The following FNDC1 variants were observed in gnomAD, a reference collection of about 807,000 sequenced individuals.
The protein encoded by FNDC1 is fibronectin type III domain-containing protein 1.
Under a neutral mutation model 168.0 loss-of-function variants are expected in FNDC1, and 96 were observed. The ratio of observed to expected loss-of-function variants is 0.57; its 90% CI spans 0.48 to 0.68. FNDC1 has a LOEUF of 0.68. FNDC1 is among the 30% of genes least tolerant of loss of function. The pLI is 0.00. For synonymous variants in FNDC1, 1,099 were observed against 1,025.9 expected, an observed-to-expected ratio of 1.07 and a Z score of -1.36; for missense variants, 2,587 against 2,482.1, an observed-to-expected ratio of 1.04 and a Z score of -0.90.
chr6:159,176,289 C>T (rs183383477), intron 1 of FNDC1, among the ~76,000 whole-genome samples: 2 of 152,314 alleles, frequency 1.3e-5, no homozygotes, highest in African/African-American at 4.8e-5. Context: ...TTCATTCATC[C>T]ATTCAGCAAG....
chr6:159,222,594 A>C (rs1333832574), intron 6 of FNDC1, among the ~76,000 whole-genome samples: 1 of 152,242 alleles, frequency 6.6e-6, no homozygotes, highest in Non-Finnish European at 1.5e-5. Context: ...AACTAAGACT[A>C]TAAGCTTTGT....
rs184118724 is a variant in FNDC1 at position 159,263,694 on chromosome 6, G to A, written c.5255-1281G>A. On this transcript the variant is annotated intron_variant, in intron 19 of 22. Coordinates refer to ENST00000297267, the MANE Select transcript of FNDC1 (RefSeq NM_032532.3). The stretch of plus-strand genomic sequence containing the variant: ...GGAGAATGGCGTGAAGCTGGGAGAC[G>A]GAGCTTGCAGTGAGCCAAGATTGTG... 1.4e-3 allele frequency among the ~76,000 whole-genome samples: 209 copies of A among 152,264 alleles called. 6 individuals carry two copies. The South Asian group carries it at 0.029, about 21-fold the overall frequency.
chr6:159,204,929 G>T (rs931421828), intron 4 of FNDC1, among the ~76,000 whole-genome samples: 1 of 152,108 alleles, frequency 6.6e-6, no homozygotes, highest in Admixed American at 6.5e-5. Flanking sequence ...CTTGCTTCCT[G>T]CTTCCCTGGG....
intron 4 of FNDC1, among the ~76,000 whole-genome samples, chr6:159,211,134 G>T (rs1329101905): frequency 1.3e-5 from 2 of 152,208 alleles, no homozygotes; most frequent in African/African-American, 4.8e-5. Context: ...GCTGCCTGGG[G>T]TAAGGTGGGT....
chr6:159,270,940 CAT>C (rs1777732772), intron 22 of FNDC1, among the ~76,000 whole-genome samples: 1 of 152,228 alleles, frequency 6.6e-6, no homozygotes, highest in African/African-American at 2.4e-5. Context: ...CTGTGTCACA[CAT>C]GTGTGGGGAC....
intron 1 of FNDC1, among the ~76,000 whole-genome samples, chr6:159,191,693 T>A (rs1401296243): frequency 6.6e-6 from 1 of 152,248 alleles, no homozygotes; most frequent in Non-Finnish European, 1.5e-5. Flanking sequence ...TAAATCACAC[T>A]TAAAGTATTC....
rs1204669237 is a variant in FNDC1, at chr6:159,232,349, C to G, written c.1837C>G (p.Pro613Ala). Residue 613 changes from proline (P) to alanine (A), a missense_variant, in exon 11 of 23, where the codon CCC becomes GCC. Coordinates refer to ENST00000297267, the MANE Select transcript of FNDC1 (RefSeq NM_032532.3). The surrounding 1 kb of genome is among the most constrained non-coding windows in gnomAD (Gnocchi z 4.9). ...GGCCACGCAGCCCCGCCCAGGGGCGCCCCCCTCGGCTTCGGCCTCTCCTGC... is the reference window on the plus strand; with the variant it reads ...GGCCACGCAGCCCCGCCCAGGGGCGGCCCCCTCGGCTTCGGCCTCTCCTGC... ...SLATQPRPGA[P>A]PSASASPAHH... The G allele has an allele frequency of 2.5e-6, 4 of 1,613,468 alleles. No homozygotes were observed. Among genetic ancestry groups the G allele is most frequent in the Non-Finnish European group, 3.4e-6 (4 of 1,179,696 alleles).
intron 19 of FNDC1, among the ~76,000 whole-genome samples, chr6:159,261,742 C>T (rs509644): frequency 0.15 from 22,934 of 151,996 alleles, 1,973 homozygotes; most frequent in East Asian, 0.37. Flanking sequence ...GTCTTATAAG[C>T]AGTATCATTC....
At position 159,234,011 on chromosome 6, in the gene FNDC1, C is replaced by T. The variant is rs1008704874; in HGVS notation, c.3499C>T (p.Leu1167=). ...GKSEPPSKRP[L]SSKSQQSVSA... ...GTCGGAGCCTCCTTCCAAGCGGCCC[C>T]TGTCCTCCAAGTCCCAGCAGTCGGT... The change falls in exon 11 of 23, where the codon CTG becomes TTG. Residue 1167 remains leucine, a synonymous_variant. Transcript: ENST00000297267. 1.2e-6 allele frequency: 2 copies of T among 1,608,696 alleles called. No homozygotes were observed. Among genetic ancestry groups the T allele is most frequent in the East Asian group, 2.2e-5 (1 of 44,758 alleles).
chr6:159,238,808 G>A, intron 13 of FNDC1, 143 bp downstream of exon 13: 1 of 610,160 alleles, frequency 1.6e-6, no homozygotes, highest in Non-Finnish European at 2.8e-6. Flanking sequence ...AGCCTCAAAA[G>A]AGGCAGAACT....
intron 22 of FNDC1, 69 bp from the exon 23 acceptor site, chr6:159,271,258 G>A: frequency 1.2e-5 from 12 of 1,038,186 alleles, no homozygotes; most frequent in Non-Finnish European, 1.8e-5. Flanking sequence ...GAAGGAGGCT[G>A]TAAGGATGAG....
chr6:159,239,156 A>G (rs1238232889), intron 13 of FNDC1, among the ~76,000 whole-genome samples: 2 of 152,156 alleles, frequency 1.3e-5, no homozygotes, highest in African/African-American at 2.4e-5. Context: ...TGTATTGTCT[A>G]TCTTCTTTTT....
chr6:159,242,094 C>T (rs1783434339), intron 14 of FNDC1, among the ~76,000 whole-genome samples: 1 of 152,118 alleles, frequency 6.6e-6, no homozygotes, highest in African/African-American at 2.4e-5. Context: ...AAATGCCCAT[C>T]AACGATAGAC....
At chr6:159,226,042 A>G (rs1349824743) in intron 8 of FNDC1, among the ~76,000 whole-genome samples, 1 of 152,188 alleles carries the variant, frequency 6.6e-6, no homozygotes, top group Non-Finnish European at 1.5e-5. Flanking sequence ...CAGGTGATGG[A>G]TGGCTCTTGC....
At chr6:159,235,817 C>T (rs1039246451) in intron 11 of FNDC1, among the ~76,000 whole-genome samples, 5 of 152,158 alleles carry the variant, frequency 3.3e-5, no homozygotes, top group African/African-American at 1.2e-4. Flanking sequence ...GTTTAACATC[C>T]CCAGAAAAGT....
chr6:159,254,516 G>T (rs1481637136), intron 17 of FNDC1, among the ~76,000 whole-genome samples: 1 of 151,962 alleles, frequency 6.6e-6, no homozygotes, highest in African/African-American at 2.4e-5. Context: ...ACTCATCCTG[G>T]CTAACATGGT....
In FNDC1 at chr6:159,232,188, C is replaced by G; in HGVS notation, c.1676C>G (p.Thr559Ser). ...REDSPMSPSD[T>S]QDQKRTLRPP... ...GACTCGCCCATGTCACCCTCAGACA[C>G]CCAAGACCAGAAACGGACCCTGAGG... The change falls in exon 11 of 23, where the codon ACC becomes AGC. Residue 559 changes from threonine to serine, a missense_variant. Coordinates refer to ENST00000297267, the MANE Select transcript of FNDC1 (RefSeq NM_032532.3). This position sits in a 1 kb window ranked among gnomAD's most constrained non-coding sequence, Gnocchi z 4.9. The G allele has an allele frequency of 6.2e-7, 1 of 1,613,746 alleles. No homozygotes were observed. Among genetic ancestry groups the G allele is most frequent in the South Asian group, 1.1e-5 (1 of 91,026 alleles).
At position 159,232,086 on chromosome 6, in the gene FNDC1, T is replaced by C. The variant is rs752987531; in HGVS notation, c.1574T>C (p.Leu525Pro). ...GGTGGGGCGCCCCGAAAACCCCAGC[T>C]TCGCGCCAAGAAGGCAGAGGAGCTG... Reference protein sequence around the residue: ...ANGGAPRKPQLRAKKAEELDL... With the variant: ...ANGGAPRKPQPRAKKAEELDL... Residue 525 changes from leucine to proline, a missense_variant, in exon 11 of 23, where the codon CTT (leucine) becomes CCT (proline). By Grantham distance (98) the Leu-to-Pro change is moderately conservative (BLOSUM62 -3). Coordinates refer to ENST00000297267, the MANE Select transcript of FNDC1 (RefSeq NM_032532.3). The surrounding 1 kb of genome is among the most constrained non-coding windows in gnomAD (Gnocchi z 4.9). 4 of 1,613,666 alleles carry C rather than the reference T, an allele frequency of 2.5e-6. No individual in the cohort carries two copies. Among genetic ancestry groups the C allele is most frequent in the Non-Finnish European group, 3.4e-6 (4 of 1,179,806 alleles).
rs1158332520 is a variant in FNDC1, at chr6:159,197,526, C to A, written c.205C>A (p.Pro69Thr). 6.2e-7 allele frequency: 1 copy of A among 1,613,908 alleles called. No homozygotes were observed. The highest frequency in any genetic ancestry group is 1.1e-5 in the South Asian group (1 of 91,064). The change falls in exon 2 of 23, where the codon CCT becomes ACT. Residue 69 changes from proline (P) to threonine (T), a missense_variant. Transcript: ENST00000297267. The stretch of plus-strand genomic sequence containing the variant: ...CCCACCCAAAGATGCTACCAGTAGA[C>A]CTGTGGAGCATTACAACATTGCCTA... ...WDPPKDATSR[P>T]VEHYNIAYGK...
Sources: allele counts gnomAD v4.1 joint callset (sites outside exome capture counted in the v4.1 genomes callset), GRCh38; gene constraint gnomAD v4.1.1; non-coding constraint Gnocchi (gnomAD v3.1); transcripts MANE v1.5; gene names NCBI Gene and HGNC (gene_info 2026-07-23, HGNC 2026-07-21).